The following FOXN2 variants were observed in gnomAD, a reference collection of about 807,000 sequenced individuals.
FOXN2 encodes the protein forkhead box protein N2.
A neutral mutation model predicts 41.2 loss-of-function variants in FOXN2; 19 were observed. That is an observed-to-expected ratio of 0.46 (90% CI 0.32 to 0.68). FOXN2 has a LOEUF of 0.68. Ranked by LOEUF, FOXN2 falls within the 30% of genes least tolerant of loss-of-function variation. The pLI is 0.03. For synonymous variants in FOXN2, 195 were observed against 176.8 expected (o/e 1.10, Z -0.82); for missense variants, 587 against 509.4 (o/e 1.15, Z -1.47).
At chr2:48,357,265 G>A (rs1671856159) in intron 3 of FOXN2, among the ~76,000 whole-genome samples, 1 of 152,136 alleles carries the variant, frequency 6.6e-6, no homozygotes, top group South Asian at 2.1e-4. Flanking sequence ...CAAGGAAATA[G>A]CAACTCTACT....
chr2:48,327,602 C>T (rs1342767471), intron 1 of FOXN2, among the ~76,000 whole-genome samples: 2 of 152,060 alleles, frequency 1.3e-5, no homozygotes, highest in African/African-American at 2.4e-5. Flanking sequence ...TGTGCCACCA[C>T]GCCCAGCTAA....
At chr2:48,315,229 A>C (rs1405683899) in intron 1 of FOXN2, among the ~76,000 whole-genome samples, 1 of 152,086 alleles carries the variant, frequency 6.6e-6, no homozygotes, top group Non-Finnish European at 1.5e-5. Flanking sequence ...GAAGTACCCC[A>C]AGCACCTCGG....
At chr2:48,350,716 GT>G (rs1671392727) in intron 3 of FOXN2, among the ~76,000 whole-genome samples, 1 of 152,212 alleles carries the variant, frequency 6.6e-6, no homozygotes, top group South Asian at 2.1e-4. Flanking sequence ...CCTGCCTGCA[GT>G]CTTCCTCTGG....
chr2:48,326,423 C>T (rs1274899497), intron 1 of FOXN2, among the ~76,000 whole-genome samples: 1 of 152,066 alleles, frequency 6.6e-6, no homozygotes, highest in Non-Finnish European at 1.5e-5. Context: ...ATGGATTAAG[C>T]AGGTAAGGGA....
At chr2:48,334,147 C>T (rs1399975025) in intron 2 of FOXN2, among the ~76,000 whole-genome samples, 2 of 152,018 alleles carry the variant, frequency 1.3e-5, no homozygotes, top group African/African-American at 2.4e-5. Context: ...AAAAAAATCT[C>T]GTTTTGAGAA....
chr2:48,336,425 A>ATATATG (rs1246612987), intron 2 of FOXN2, among the ~76,000 whole-genome samples: 151 of 145,700 alleles, frequency 1.0e-3, no homozygotes, highest in African/African-American at 3.6e-3. Context: ...AAAAATATAT[A>ATATATG]TATATGTATA....
chr2:48,363,902 TAAAC>T (rs1672362353), intron 5 of FOXN2, among the ~76,000 whole-genome samples: 1 of 152,190 alleles, frequency 6.6e-6, no homozygotes, highest in Non-Finnish European at 1.5e-5. Context: ...TTCCCGTCAT[TAAAC>T]AAAGTATGAC....
intron 3 of FOXN2, among the ~76,000 whole-genome samples, chr2:48,351,165 C>T (rs995021358): frequency 4.6e-5 from 7 of 151,862 alleles, no homozygotes; most frequent in Non-Finnish European, 7.4e-5. Flanking sequence ...TTTTGCCATG[C>T]TGCCCAGGCT....
intron 1 of FOXN2, among the ~76,000 whole-genome samples, chr2:48,324,700 C>A (rs1460236015): frequency 1.3e-5 from 2 of 152,104 alleles, no homozygotes; most frequent in African/African-American, 4.8e-5. Context: ...TATTTTCTTT[C>A]TTTGGTTAAC....
At position 48,375,510 on chromosome 2, in the gene FOXN2, A is replaced by G; in HGVS notation, c.*67A>G. ...ACAAGGGATATCAAAGCCATAATGG[A>G]CTTCATTAGTTTTAGGGTAGGGAAG... On this transcript the variant is annotated 3_prime_UTR_variant, in exon 7 of 7. Transcript: ENST00000340553. The G allele has an allele frequency of 7.1e-7, 1 of 1,412,394 alleles. No individual in the cohort carries two copies. Among genetic ancestry groups the G allele is most frequent in the Non-Finnish European group, 9.5e-7 (1 of 1,056,832 alleles). The allele number at this position is 1,412,394 out of a possible 1,614,324, so 87.5% of individuals were successfully genotyped here.
Position 48,359,102 on chromosome 2 carries a change from T to C in FOXN2, c.593T>C (p.Ile198Thr), listed in dbSNP as rs1395837088. The C allele has an allele frequency of 3.7e-6, 6 of 1,613,612 alleles. No homozygotes were observed. The highest frequency in any genetic ancestry group is 1.1e-5 in the South Asian group (1 of 91,066). ...GATCCGGAATATAAACCCAATCTTA[T>C]CCAGGCACTGAAGAAGCAACCTTTT... is the stretch of plus-strand genomic sequence containing the variant. ...CVDPEYKPNL[I>T]QALKKQPFSS... Residue 198 changes from isoleucine (I) to threonine (T), a missense_variant, in exon 4 of 7, where the codon ATC (isoleucine) becomes ACC (threonine). Transcript: ENST00000340553.
intron 4 of FOXN2, among the ~76,000 whole-genome samples, chr2:48,361,481 A>AG (rs1344809721): frequency 6.6e-5 from 10 of 152,164 alleles, no homozygotes; most frequent in African/African-American, 2.4e-4. Flanking sequence ...AAAAAAAAAA[A>AG]AGATTAAACT....
At chr2:48,363,057 TAACTG>T in intron 5 of FOXN2, among the ~76,000 whole-genome samples, 1 of 152,320 alleles carries the variant, frequency 6.6e-6, no homozygotes, top group South Asian at 2.1e-4. Context: ...TAAAAAAAGT[TAACTG>T]TAAAAGAGCC....
chr2:48,329,777 A>G (rs899099986), intron 2 of FOXN2, among the ~76,000 whole-genome samples: 1 of 152,198 alleles, frequency 6.6e-6, no homozygotes. Flanking sequence ...ATCTTAATCA[A>G]AACAAAAAAT....
At chr2:48,360,970 T>G (rs1249538921) in intron 4 of FOXN2, among the ~76,000 whole-genome samples, 1 of 150,068 alleles carries the variant, frequency 6.7e-6, no homozygotes, top group Non-Finnish European at 1.5e-5. Context: ...GCCAAGATGG[T>G]GCTACTGCAC....
intron 3 of FOXN2, among the ~76,000 whole-genome samples, chr2:48,356,918 T>G (rs1268226386): frequency 6.6e-6 from 1 of 152,214 alleles, no homozygotes; most frequent in African/African-American, 2.4e-5. Flanking sequence ...GAATGCTCAT[T>G]TCCTGTTTCC....
rs1458494670 is a variant in FOXN2 at position 48,377,531 on chromosome 2, G to A, written c.*2088G>A. On this transcript the variant is annotated 3_prime_UTR_variant, in exon 7 of 7. Coordinates refer to ENST00000340553, the MANE Select transcript of FOXN2 (RefSeq NM_002158.4). ...AGGAAAGGAAAGAGAAGCAGAGTTAGTTCCAGCTCTAATAGGGATCTTCAA... is the reference window on the plus strand; with the variant it reads ...AGGAAAGGAAAGAGAAGCAGAGTTAATTCCAGCTCTAATAGGGATCTTCAA... 1 of 151,996 alleles carries A rather than the reference G, an allele frequency of 6.6e-6. No homozygotes were observed. Among genetic ancestry groups the A allele is most frequent in the Non-Finnish European group, 1.5e-5 (1 of 67,876 alleles). 9.4% of individuals were successfully genotyped at this position (151,996 alleles called of 1,614,324 possible).
At chr2:48,343,660 G>A (rs557279555) in intron 2 of FOXN2, among the ~76,000 whole-genome samples, 1 of 152,188 alleles carries the variant, frequency 6.6e-6, no homozygotes, top group East Asian at 1.9e-4. Flanking sequence ...TTGGGAGGCT[G>A]GGGCAGGAGG....
chr2:48,368,537 T>A (rs189564124), intron 5 of FOXN2, among the ~76,000 whole-genome samples: 4 of 152,008 alleles, frequency 2.6e-5, no homozygotes, highest in African/African-American at 9.6e-5. Context: ...ACCAAAAATA[T>A]GAAAATTAGC....
Sources: allele counts gnomAD v4.1 joint callset (sites outside exome capture counted in the v4.1 genomes callset), GRCh38; gene constraint gnomAD v4.1.1; transcripts MANE v1.5; gene names NCBI Gene and HGNC (gene_info 2026-07-23, HGNC 2026-07-21).